Variants in VLDLR observed in about 807,000 individuals in gnomAD.
VLDLR encodes very low density lipoprotein receptor, also known as very low-density lipoprotein receptor.
VLDLR carries 81 observed loss-of-function variants against 112.7 expected under a neutral mutation model. That is an observed-to-expected ratio of 0.72 (90% CI 0.60 to 0.86). The LOEUF (loss-of-function observed/expected upper bound fraction) is 0.86, where lower values mean the gene tolerates loss of function less well. VLDLR is among the 40% of genes least tolerant of loss of function. The pLI is 0.00. For synonymous variants in VLDLR, 436 were observed against 384.8 expected (o/e 1.13, Z -1.56); for missense variants, 1,237 against 1,099.4 (o/e 1.13, Z -1.77).
At position 2,644,953 on chromosome 9, in the gene VLDLR, C is replaced by G. The variant is rs755152882; in HGVS notation, c.1187-4C>G. On this transcript the variant is annotated splice_region_variant and splice_polypyrimidine_tract_variant and intron_variant, in intron 8 of 18. Coordinates refer to ENST00000382100, the MANE Select transcript of VLDLR (RefSeq NM_003383.5). Reference sequence around the variant, plus strand: ...AGCAAGACTAATTCTGATTTCCCTCCCAGATATTGATGAATGCCAAAATCC... The same window carrying G: ...AGCAAGACTAATTCTGATTTCCCTCGCAGATATTGATGAATGCCAAAATCC... The G allele has an allele frequency of 2.5e-6, 4 of 1,613,998 alleles. No homozygotes were observed. The highest frequency in any genetic ancestry group is 3.4e-6 in the Non-Finnish European group (4 of 1,180,016).
At chr9:2,646,068 C>G (rs1419476686) in intron 10 of VLDLR, among the ~76,000 whole-genome samples, 1 of 151,856 alleles carries the variant, frequency 6.6e-6, no homozygotes, top group Non-Finnish European at 1.5e-5. Flanking sequence ...ACTATAGAAA[C>G]TCAGATGATG....
At chr9:2,623,658 A>T (rs1816944287) in intron 1 of VLDLR, among the ~76,000 whole-genome samples, 2 of 152,298 alleles carry the variant, frequency 1.3e-5, no homozygotes, top group South Asian at 2.1e-4. Flanking sequence ...CGGTGCGATC[A>T]CGTTTAGGTT....
In VLDLR at chr9:2,654,082, C is replaced by G. The variant is rs189180202; in HGVS notation, c.*214C>G. 2 of 556,782 alleles carry G rather than the reference C, an allele frequency of 3.6e-6. No homozygotes were observed. Among genetic ancestry groups the G allele is most frequent in the African/African-American group, 1.9e-5 (1 of 52,684 alleles). The allele number at this position is 556,782 out of a possible 1,614,324, so 34.5% of individuals were successfully genotyped here. ...CTACTTCAGCTTTGGATGTGGTTAC[C>G]GAGTATCTGTAACCCTTGAATTTCT... On this transcript the variant is annotated 3_prime_UTR_variant, in exon 19 of 19. Coordinates refer to ENST00000382100, the MANE Select transcript of VLDLR (RefSeq NM_003383.5).
chr9:2,624,384 C>T (rs34019250), intron 1 of VLDLR, among the ~76,000 whole-genome samples: 227 of 152,270 alleles, frequency 1.5e-3, no homozygotes, highest in African/African-American at 5.1e-3. Flanking sequence ...CCCCTTCTGT[C>T]CACTGGCACA....
In VLDLR at chr9:2,643,836, G is replaced by T; in HGVS notation, c.944-1G>T. On this transcript the variant is annotated splice_acceptor_variant, in intron 6 of 18. Transcript: ENST00000382100. LOFTEE classifies it high-confidence loss of function. ...TCTCTCTTCTTTGTTTCTCTTTGTAGTCAATCAGTGCTTGGGCCCTGGAAA... is the reference window on the plus strand; with the variant it reads ...TCTCTCTTCTTTGTTTCTCTTTGTATTCAATCAGTGCTTGGGCCCTGGAAA... 6.2e-7 allele frequency: 1 copy of T among 1,614,198 alleles called. No homozygotes were observed. The highest frequency in any genetic ancestry group is 8.5e-7 in the Non-Finnish European group (1 of 1,180,050).
At chr9:2,645,844 C>A in intron 10 of VLDLR, 99 bp downstream of exon 10, 2 of 1,416,002 alleles carry the variant, frequency 1.4e-6, no homozygotes, top group East Asian at 2.3e-5. Flanking sequence ...GTGTCTAGCC[C>A]CATCTAGCAT....
At chr9:2,650,991 C>CT (rs1818303862) in intron 15 of VLDLR, among the ~76,000 whole-genome samples, 1 of 152,090 alleles carries the variant, frequency 6.6e-6, no homozygotes, top group Admixed American at 6.6e-5. Flanking sequence ...GATCAAGGAG[C>CT]TTGTATGGTG....
chr9:2,644,390 C>T (rs767186924), intron 7 of VLDLR, among the ~76,000 whole-genome samples: 19 of 144,672 alleles, frequency 1.3e-4, no homozygotes, highest in Middle Eastern at 7.4e-3. Context: ...AGGCTGGTCT[C>T]GAACTCCTGA....
chr9:2,642,007 T>C (rs942327832), intron 4 of VLDLR, among the ~76,000 whole-genome samples: 26 of 150,920 alleles, frequency 1.7e-4, no homozygotes, highest in Non-Finnish European at 3.2e-4. Flanking sequence ...TGAATTAACA[T>C]CTTGCCTCAG....
rs1030273971 is a variant in VLDLR at position 2,654,499 on chromosome 9, C to G, written c.*631C>G. 1.3e-5 allele frequency: 2 copies of G among 157,836 alleles called. No individual in the cohort carries two copies. Among genetic ancestry groups the G allele is most frequent in the African/African-American group, 4.8e-5 (2 of 41,378 alleles). 9.8% of individuals were successfully genotyped at this position (157,836 alleles called of 1,614,324 possible). ...AGCTTAACCATGGTTTGTGCCTGTT[C>G]CTCTAGGATGAACTCCTATCCTGAG... On this transcript the variant is annotated 3_prime_UTR_variant, in exon 19 of 19. Coordinates refer to ENST00000382100, the MANE Select transcript of VLDLR (RefSeq NM_003383.5).
chr9:2,632,398 C>T (rs1313837897), intron 1 of VLDLR, among the ~76,000 whole-genome samples: 1 of 152,180 alleles, frequency 6.6e-6, no homozygotes, highest in Non-Finnish European at 1.5e-5. Context: ...ATGCCTAGCA[C>T]TTCTACTTCC....
chr9:2,651,526 A>C (rs1196210282), intron 16 of VLDLR, 28 bp downstream of exon 16: 1 of 1,564,894 alleles, frequency 6.4e-7, no homozygotes, highest in Non-Finnish European at 8.8e-7. Context: ...GCAAACTGTT[A>C]ATCTCAACTA....
Position 2,655,217 on chromosome 9 carries a change from A to T in VLDLR, c.*1349A>T, listed in dbSNP as rs1818551540. The T allele has an allele frequency of 6.6e-6, 1 of 152,226 alleles. No individual in the cohort carries two copies. Among genetic ancestry groups the T allele is most frequent in the African/African-American group, 2.4e-5 (1 of 41,454 alleles). 9.4% of individuals were successfully genotyped at this position (152,226 alleles called of 1,614,324 possible). On this transcript the variant is annotated 3_prime_UTR_variant, in exon 19 of 19. Transcript: ENST00000382100. ...TTTTATCCTGGCTGGGATGGGGCAG[A>T]TTCTTACTATGGACAATTTCTGGAA...
intron 15 of VLDLR, among the ~76,000 whole-genome samples, chr9:2,651,128 A>C (rs1311972926): frequency 1.3e-5 from 2 of 152,158 alleles, no homozygotes; most frequent in Non-Finnish European, 2.9e-5. Context: ...CATTTCTCGT[A>C]GTTTCCAGGA....
At chr9:2,640,360 CT>C (rs759897035) in intron 3 of VLDLR, among the ~76,000 whole-genome samples, 14 of 152,124 alleles carry the variant, frequency 9.2e-5, no homozygotes, top group Admixed American at 2.0e-4. Flanking sequence ...CAAGCAAAAG[CT>C]TTTAGAAGCA....
chr9:2,628,585 A>G (rs755602450), intron 1 of VLDLR, among the ~76,000 whole-genome samples: 6 of 152,196 alleles, frequency 3.9e-5, no homozygotes, highest in Non-Finnish European at 5.9e-5. Flanking sequence ...GTTGCTTGAT[A>G]TGGGTAGAGA....
Position 2,623,238 on chromosome 9 carries a change from C to T in VLDLR, c.82+967C>T, listed in dbSNP as rs1414033637. ...CTCTGCCGCGGGGGCCTGGGGGCCC[C>T]GCCTGGTCGTCAGCCACGTTCCCAC... On this transcript the variant is annotated intron_variant, in intron 1 of 18. Transcript: ENST00000382100. Among the ~76,000 whole-genome samples, 5 of 152,306 alleles carry T rather than the reference C, an allele frequency of 3.3e-5. No individual in the cohort carries two copies. In the East Asian group the frequency reaches 7.7e-4, roughly 24 times the overall value.
chr9:2,622,719 G>T (rs1199346665), intron 1 of VLDLR, among the ~76,000 whole-genome samples: 1 of 152,130 alleles, frequency 6.6e-6, no homozygotes, highest in African/African-American at 2.4e-5. Flanking sequence ...AGCGGACGGG[G>T]GGAGAAGGTG....
chr9:2,635,439 C>A lies in VLDLR; in HGVS notation c.83-14C>A, dbSNP rs542440960. On this transcript the variant is annotated splice_polypyrimidine_tract_variant and intron_variant, in intron 1 of 18. Coordinates refer to ENST00000382100, the MANE Select transcript of VLDLR (RefSeq NM_003383.5). ...CCAATCCTTGCTTTACCGAATGTTC[C>A]CTTCTTATTCTAGGGAGAAAAGCCA... 6.2e-7 allele frequency: 1 copy of A among 1,613,816 alleles called. No homozygotes were observed. The highest frequency in any genetic ancestry group is 1.3e-5 in the African/African-American group (1 of 75,038).
Sources: gnomAD v4.1 joint callset for allele counts (sites outside exome capture counted in the v4.1 genomes callset) on GRCh38, gnomAD v4.1.1 for gene constraint, MANE v1.5 for transcripts, NCBI Gene and HGNC (gene_info 2026-07-23, HGNC 2026-07-21) for gene names.